Variants in KCNMB4 observed in about 807,000 individuals in gnomAD.
KCNMB4 encodes the protein calcium-activated potassium channel subunit beta-4.
Under a neutral mutation model 20.7 loss-of-function variants are expected in KCNMB4, and 3 were observed. The observed-to-expected ratio is 0.14, with a 90% CI of 0.07 to 0.37. KCNMB4 has a LOEUF of 0.37. KCNMB4 is among the 10% of genes least tolerant of loss of function. KCNMB4 has a pLI of 1.00. For synonymous variants in KCNMB4, 110 were observed against 113.4 expected (o/e 0.97, Z 0.19); for missense variants, 168 against 265.9 (o/e 0.63, Z 2.56).
rs746601119 is a variant in KCNMB4, at chr12:70,432,906, AAG to A, written c.*2254_*2255del. ...CATGGATATACATTTGTGTTGAAAA[AAG>A]GGGAAGTTGATATATATCAATCTTA... On this transcript the variant is annotated 3_prime_UTR_variant, in exon 3 of 3. Transcript: ENST00000258111. 4.6e-5 allele frequency: 7 copies of A among 152,230 alleles called. No homozygotes were observed. The highest frequency in any genetic ancestry group is 4.1e-4 in the South Asian group (2 of 4,828). The allele number at this position is 152,230 out of a possible 1,614,324, so 9.4% of individuals were successfully genotyped here. A position where few individuals can be genotyped will look rare whatever the true frequency, so the allele number is the denominator to read the frequency against.
chr12:70,422,157 G>T (rs1223190388), intron 2 of KCNMB4, among the ~76,000 whole-genome samples: 2 of 152,166 alleles, frequency 1.3e-5, no homozygotes, highest in East Asian at 3.8e-4. Context: ...AGAATAATCT[G>T]TCTCAAATGA....
At chr12:70,428,333 G>A (rs1306606238) in intron 2 of KCNMB4, among the ~76,000 whole-genome samples, 1 of 152,214 alleles carries the variant, frequency 6.6e-6, no homozygotes. Context: ...GTGATACTAA[G>A]TAAAATTCAC....
chr12:70,392,977 A>T (rs950227456), intron 1 of KCNMB4, among the ~76,000 whole-genome samples: 6 of 141,638 alleles, frequency 4.2e-5, no homozygotes, highest in South Asian at 2.1e-4. Flanking sequence ...AAAATATAAT[A>T]AAAAAATAAT....
Position 70,366,540 on chromosome 12 carries a change from T to TGCCGCCGCC in KCNMB4, c.-187_-179dup, listed in dbSNP as rs949373201. The stretch of plus-strand genomic sequence containing the variant: ...CGGCGGCTGGGGGGCTGGGGGGCGC[T>TGCCGCCGCC]GCCGCCGCCGCCGCCGGGGGCGTCG... On this transcript the variant is annotated 5_prime_UTR_variant, in exon 1 of 3. Coordinates refer to ENST00000258111, the MANE Select transcript of KCNMB4 (RefSeq NM_014505.6). The TGCCGCCGCC allele has an allele frequency of 6.2e-6, 1 of 161,128 alleles. No homozygotes were observed. Among genetic ancestry groups the TGCCGCCGCC allele is most frequent in the African/African-American group, 2.5e-5 (1 of 40,536 alleles). 10.0% of individuals were successfully genotyped at this position (161,128 alleles called of 1,614,324 possible).
chr12:70,430,826 C>A lies in KCNMB4; in HGVS notation c.*173C>A. The A allele has an allele frequency of 1.7e-6, 1 of 577,378 alleles. No individual in the cohort carries two copies. Among genetic ancestry groups the A allele is most frequent in the Non-Finnish European group, 2.9e-6 (1 of 347,070 alleles). The allele number at this position is 577,378 out of a possible 1,614,324, so 35.8% of individuals were successfully genotyped here. The stretch of plus-strand genomic sequence containing the variant: ...GGCACAACTGGAAGACTTGGAACCT[C>A]AAAGCTTGTATTCCATCTGCTGTAG... On this transcript the variant is annotated 3_prime_UTR_variant, in exon 3 of 3. Transcript: ENST00000258111.
At chr12:70,373,450 G>GACT (rs1883633991) in intron 1 of KCNMB4, among the ~76,000 whole-genome samples, 1 of 152,158 alleles carries the variant, frequency 6.6e-6, no homozygotes, top group Admixed American at 6.5e-5. Flanking sequence ...AAAGCATGTA[G>GACT]ACTCCTTCTC....
At chr12:70,376,388 GA>G (rs2136116908) in intron 1 of KCNMB4, among the ~76,000 whole-genome samples, 1 of 152,040 alleles carries the variant, frequency 6.6e-6, no homozygotes, top group African/African-American at 2.4e-5. Flanking sequence ...AACCAGATTG[GA>G]AAGGAAAAAT....
intron 2 of KCNMB4, among the ~76,000 whole-genome samples, chr12:70,420,046 G>T (rs1869010977): frequency 6.6e-6 from 1 of 152,178 alleles, no homozygotes; most frequent in South Asian, 2.1e-4. Context: ...TTATAACTCA[G>T]ATTGTAGATC....
At chr12:70,414,856 C>T (rs576898045) in intron 2 of KCNMB4, among the ~76,000 whole-genome samples, 1 of 152,260 alleles carries the variant, frequency 6.6e-6, no homozygotes, top group South Asian at 2.1e-4. Context: ...TTGCTTTTGA[C>T]CGATTGTTCC....
chr12:70,420,303 T>C (rs79081721), intron 2 of KCNMB4, among the ~76,000 whole-genome samples: 8,268 of 152,234 alleles, frequency 0.054, 374 homozygotes, highest in East Asian at 0.16. Flanking sequence ...CATGTTACCT[T>C]GTATGATAAA....
intron 2 of KCNMB4, among the ~76,000 whole-genome samples, chr12:70,415,304 A>G (rs1345863999): frequency 2.0e-5 from 3 of 152,154 alleles, no homozygotes; most frequent in Non-Finnish European, 4.4e-5. Flanking sequence ...AATATGGTCT[A>G]CCTCCACACT....
At position 70,375,764 on chromosome 12, in the gene KCNMB4, T is replaced by C. The variant is rs549324233; in HGVS notation, c.336+8694T>C. 1.5e-4 allele frequency among the ~76,000 whole-genome samples: 23 copies of C among 152,334 alleles called. 1 individual carries two copies. The South Asian group carries it at 4.3e-3, about 29-fold the overall frequency. Reference sequence around the variant, plus strand: ...ACAATGTGTAGGGGTCCTATACGTATTAGCTCTCACTCCTTATTCCTCCAA... The same window carrying C: ...ACAATGTGTAGGGGTCCTATACGTACTAGCTCTCACTCCTTATTCCTCCAA... On this transcript the variant is annotated intron_variant, in intron 1 of 2. Coordinates refer to ENST00000258111, the MANE Select transcript of KCNMB4 (RefSeq NM_014505.6).
chr12:70,382,238 G>A (rs993782433), intron 1 of KCNMB4, among the ~76,000 whole-genome samples: 1 of 151,630 alleles, frequency 6.6e-6, no homozygotes, highest in African/African-American at 2.4e-5. Context: ...GAGGTCAGGA[G>A]ATCGAGACCA....
intron 2 of KCNMB4, among the ~76,000 whole-genome samples, chr12:70,414,925 A>G (rs1441109042): frequency 1.3e-5 from 2 of 152,142 alleles, no homozygotes; most frequent in Non-Finnish European, 2.9e-5. Flanking sequence ...TATATCTTCC[A>G]TCATAATTCT....
At chr12:70,391,187 C>A (rs1565858502) in intron 1 of KCNMB4, among the ~76,000 whole-genome samples, 1 of 152,164 alleles carries the variant, frequency 6.6e-6, no homozygotes, top group Non-Finnish European at 1.5e-5. Flanking sequence ...AAAGAAGAAC[C>A]TTAGAAGGTT....
At chr12:70,367,620 A>G (rs902770287) in intron 1 of KCNMB4, among the ~76,000 whole-genome samples, 2 of 152,080 alleles carry the variant, frequency 1.3e-5, no homozygotes, top group Non-Finnish European at 2.9e-5. Flanking sequence ...TGGCTTGACA[A>G]ACGACCCGGA....
chr12:70,408,397 G>A (rs1440694655), intron 2 of KCNMB4, among the ~76,000 whole-genome samples: 2 of 152,144 alleles, frequency 1.3e-5, no homozygotes, highest in East Asian at 1.9e-4. Flanking sequence ...GAAACCTTTC[G>A]ATTTCGCTCA....
At chr12:70,383,151 A>G (rs1378086063) in intron 1 of KCNMB4, among the ~76,000 whole-genome samples, 1 of 152,258 alleles carries the variant, frequency 6.6e-6, no homozygotes, top group Admixed American at 6.5e-5. Context: ...ACAGGACTGT[A>G]CTAATCAGAT....
intron 1 of KCNMB4, among the ~76,000 whole-genome samples, chr12:70,399,111 C>G (rs749090434): frequency 7.2e-5 from 11 of 152,184 alleles, no homozygotes; most frequent in Non-Finnish European, 1.2e-4. Context: ...AGGGTGAAGA[C>G]AGGCAGGGAC....
Sources: gnomAD v4.1 joint callset for allele counts (sites outside exome capture counted in the v4.1 genomes callset) on GRCh38, gnomAD v4.1.1 for gene constraint, MANE v1.5 for transcripts, NCBI Gene and HGNC (gene_info 2026-07-23, HGNC 2026-07-21) for gene names.